The following ADARB2 variants were observed in gnomAD, a reference collection of about 807,000 sequenced individuals.
ADARB2 encodes the protein adenosine deaminase RNA specific B2 (inactive), also known as inactive double-stranded RNA-specific editase B2.
A neutral mutation model predicts 62.2 loss-of-function variants in ADARB2; 25 were observed. That is an observed-to-expected ratio of 0.40 (90% CI 0.29 to 0.56). The LOEUF (loss-of-function observed/expected upper bound fraction) is 0.56, where lower values mean the gene tolerates loss of function less well. ADARB2 is among the 20% of genes least tolerant of loss of function. The pLI is 0.43. For missense variants in ADARB2, 1,071 were observed against 1,077.4 expected, an observed-to-expected ratio of 0.99 and a Z score of 0.08; for synonymous variants, 572 against 500.8, an observed-to-expected ratio of 1.14 and a Z score of -1.90.
chr10:1,199,024 A>G (rs536169536), intron 8 of ADARB2, among the ~76,000 whole-genome samples: 1 of 152,238 alleles, frequency 6.6e-6, no homozygotes, highest in Non-Finnish European at 1.5e-5. Flanking sequence ...AGAGTGCAGG[A>G]GCCACTTGGC....
intron 7 of ADARB2, among the ~76,000 whole-genome samples, chr10:1,211,681 C>T (rs183843605): frequency 1.6e-4 from 24 of 152,270 alleles, no homozygotes; most frequent in Middle Eastern, 3.4e-3. Flanking sequence ...GTGTAAGCAC[C>T]ATCACTGTGG....
In ADARB2 at chr10:1,409,162, C is replaced by T. The variant is rs935031537; in HGVS notation, c.101-30002G>A. Among the ~76,000 whole-genome samples the T allele has an allele frequency of 5.3e-5, 8 of 152,332 alleles. 1 individual carries two copies. In the South Asian group the frequency reaches 6.2e-4, roughly 12 times the overall value. ...GCCCACGGAGCCCCCGCATCCAGCCCGGGGCAGGTATCTCTGCCTTCCTCG... is the reference window on the plus strand; with the variant it reads ...GCCCACGGAGCCCCCGCATCCAGCCTGGGGCAGGTATCTCTGCCTTCCTCG... On this transcript the variant is annotated intron_variant, in intron 1 of 9. Transcript: ENST00000381312.
intron 3 of ADARB2, chr10:1,292,800 T>C (rs1254730827): frequency 6.6e-6 from 1 of 152,156 alleles, no homozygotes; most frequent in African/African-American, 2.4e-5. Context: ...TCGAATGACG[T>C]GTGGCTGCTC....
At chr10:1,335,844 A>G (rs545039072) in intron 3 of ADARB2, among the ~76,000 whole-genome samples, 12 of 152,322 alleles carry the variant, frequency 7.9e-5, no homozygotes, top group South Asian at 2.1e-4. Context: ...TGCTTGGCAC[A>G]TGCAAATTAG....
intron 1 of ADARB2, among the ~76,000 whole-genome samples, chr10:1,580,339 C>T (rs909969934): frequency 6.6e-6 from 1 of 152,152 alleles, no homozygotes; most frequent in Non-Finnish European, 1.5e-5. Context: ...ATCTAGCCCC[C>T]ACTTATAAGT....
intron 3 of ADARB2, among the ~76,000 whole-genome samples, chr10:1,351,919 ACC>A (rs1232644733): frequency 7.5e-5 from 11 of 147,258 alleles, no homozygotes; most frequent in Non-Finnish European, 3.0e-5. Flanking sequence ...TTGGTGCCAA[ACC>A]CATATACTCT....
chr10:1,249,599 C>A (rs1427216218), intron 4 of ADARB2, among the ~76,000 whole-genome samples: 3 of 150,720 alleles, frequency 2.0e-5, no homozygotes, highest in Non-Finnish European at 4.4e-5. Context: ...GGATTTTTTT[C>A]CTGAATGTGA....
intron 1 of ADARB2, among the ~76,000 whole-genome samples, chr10:1,661,620 G>A (rs915016604): frequency 6.6e-6 from 1 of 152,176 alleles, no homozygotes; most frequent in Non-Finnish European, 1.5e-5. Context: ...CCAGGGTGGG[G>A]AGTACAGAAC....
In ADARB2 at chr10:1,626,647, C is replaced by T. The variant is rs371816564; in HGVS notation, c.100+110404G>A. Reference sequence around the variant, plus strand: ...TGTCCTCAGTGATATTTCCGGGCTGCCCCCACACTCGACATGGAAGAACGT... The same window carrying T: ...TGTCCTCAGTGATATTTCCGGGCTGTCCCCACACTCGACATGGAAGAACGT... On this transcript the variant is annotated intron_variant, in intron 1 of 9. Coordinates refer to ENST00000381312, the MANE Select transcript of ADARB2 (RefSeq NM_018702.4). Among the ~76,000 whole-genome samples the T allele has an allele frequency of 1.6e-4, 24 of 152,242 alleles. No homozygotes were observed. The East Asian group carries it at 2.1e-3, about 14-fold the overall frequency.
At chr10:1,600,565 G>C (rs1833398151) in intron 1 of ADARB2, among the ~76,000 whole-genome samples, 1 of 146,088 alleles carries the variant, frequency 6.8e-6, no homozygotes, top group Non-Finnish European at 1.5e-5. Flanking sequence ...CGAAGTCCGA[G>C]TCATGAGGAT....
chr10:1,623,669 C>T (rs908711268), intron 1 of ADARB2, among the ~76,000 whole-genome samples: 27 of 152,356 alleles, frequency 1.8e-4, no homozygotes, highest in African/African-American at 5.5e-4. Flanking sequence ...CGATTGCACA[C>T]GCATGGATTC....
At chr10:1,383,089 G>A (rs1832498456) in intron 1 of ADARB2, among the ~76,000 whole-genome samples, 1 of 152,208 alleles carries the variant, frequency 6.6e-6, no homozygotes, top group Non-Finnish European at 1.5e-5. Context: ...GTTACTCACT[G>A]TGGAATAAAT....
chr10:1,488,575 G>A (rs1831574503), intron 1 of ADARB2, among the ~76,000 whole-genome samples: 2 of 152,076 alleles, frequency 1.3e-5, no homozygotes, highest in Non-Finnish European at 2.9e-5. Flanking sequence ...AGGCCAGGCT[G>A]CAGGATCAAT....
At chr10:1,604,103 C>T (rs973369221) in intron 1 of ADARB2, among the ~76,000 whole-genome samples, 2 of 152,138 alleles carry the variant, frequency 1.3e-5, no homozygotes, top group African/African-American at 4.8e-5. Flanking sequence ...CTGCCTCTGG[C>T]CAATATTTTA....
intron 1 of ADARB2, among the ~76,000 whole-genome samples, chr10:1,484,861 T>G (rs1489768413): frequency 3.9e-5 from 6 of 152,172 alleles, no homozygotes; most frequent in Non-Finnish European, 8.8e-5. Context: ...TAGATATGTA[T>G]GTAGGTACAT....
In ADARB2 at chr10:1,216,996, A is replaced by C; in HGVS notation, c.1637T>G (p.Leu546Arg). The C allele has an allele frequency of 6.2e-7, 1 of 1,610,250 alleles. No individual in the cohort carries two copies. Among genetic ancestry groups the C allele is most frequent in the Non-Finnish European group, 8.5e-7 (1 of 1,179,750 alleles). ...GGACATGGTGATCAGCTGCTCCCCC[A>C]GCAGGACGCCGTCCCAGGTCTGCAC... ...SAVQTWDGVL[L>R]GEQLITMSCT... The change falls in exon 7 of 10, where the codon CTG becomes CGG. Residue 546 changes from leucine (L) to arginine (R), a missense_variant. Leu to Arg is a moderately radical substitution (Grantham distance 102, BLOSUM62 -2). Transcript: ENST00000381312.
chr10:1,694,069 T>G (rs1465221647), intron 1 of ADARB2, among the ~76,000 whole-genome samples: 1 of 152,394 alleles, frequency 6.6e-6, no homozygotes, highest in East Asian at 1.9e-4. Flanking sequence ...TTTAATATTT[T>G]AATCTGATGT....
chr10:1,486,096 C>T (rs776324847), intron 1 of ADARB2, among the ~76,000 whole-genome samples: 1 of 152,146 alleles, frequency 6.6e-6, no homozygotes, highest in Non-Finnish European at 1.5e-5. Context: ...ACATCGGCTA[C>T]TCATTCATCT....
intron 6 of ADARB2, among the ~76,000 whole-genome samples, chr10:1,229,340 G>A (rs971853212): frequency 6.6e-6 from 1 of 152,156 alleles, no homozygotes; most frequent in Non-Finnish European, 1.5e-5. Context: ...GGTGGCTGGG[G>A]CTTGGGGAAT....
Sources: gnomAD v4.1 joint callset for allele counts (sites outside exome capture counted in the v4.1 genomes callset) on GRCh38, gnomAD v4.1.1 for gene constraint, MANE v1.5 for transcripts, NCBI Gene and HGNC (gene_info 2026-07-23, HGNC 2026-07-21) for gene names.